ARHGEF37: variants seen among roughly 807,000 people sequenced by gnomAD.
The protein encoded by ARHGEF37 is Rho guanine nucleotide exchange factor (GEF) 37.
A neutral mutation model predicts 71.1 loss-of-function variants in ARHGEF37; 55 were observed. The observed-to-expected ratio is 0.77, with a 90% CI of 0.62 to 0.97. ARHGEF37 has a LOEUF of 0.97. ARHGEF37 is among the 50% of genes least tolerant of loss of function. The probability of loss-of-function intolerance (pLI) is 0.00; values close to 1 mark genes in which losing one functional copy is unlikely to be tolerated. For synonymous variants in ARHGEF37, 327 were observed against 350.6 expected, an observed-to-expected ratio of 0.93 and a Z score of 0.75; for missense variants, 765 against 836.8, an observed-to-expected ratio of 0.91 and a Z score of 1.06.
At chr5:149,628,710 G>A in intron 11 of ARHGEF37, 99 bp from the exon 12 acceptor site, 3 of 1,432,410 alleles carry the variant, frequency 2.1e-6, no homozygotes, top group Non-Finnish European at 2.8e-6. Flanking sequence ...TGGGTGTTGA[G>A]AAGCTGTGTT....
chr5:149,575,671 A>ATT lies in ARHGEF37; in HGVS notation c.-11-22062_-11-22061dup, dbSNP rs751297275. ...TTTCTGTCACTGCAACCAAATGACT[A>ATT]TTTTTTTTTTTTTTTTTTTTTTTTT... On this transcript the variant is annotated intron_variant, in intron 1 of 2. Transcript: ENST00000505810. Among the ~76,000 whole-genome samples, 285 of 107,292 alleles carry ATT rather than the reference A, an allele frequency of 2.7e-3. 10 individuals are homozygous for ATT. Among genetic ancestry groups the ATT allele is most frequent in the African/African-American group, 3.7e-3 (110 of 29,426 alleles). The allele number at this position is 107,292 out of a possible 152,430, so 70.4% of individuals were successfully genotyped here. A position where few individuals can be genotyped will look rare whatever the true frequency, so the allele number is the denominator to read the frequency against.
rs886725132 is a variant in ARHGEF37, at chr5:149,627,085, C to T, written c.1474C>T (p.Pro492Ser). Residue 492 changes from proline (P) to serine (S), a missense_variant, in exon 11 of 13, where the codon CCA becomes TCA. Around this residue, in one of 5 missense-constraint regions of ARHGEF37, gnomAD observed 390 missense variants for 407.4 expected, o/e 0.96. Transcript: ENST00000333677. ...GCTCCTCCTCTCCCAGCCGCTCCTT[C>T]CAGGGTCTGAACGCCAGGTGCAGGC... Reference protein sequence around the residue: ...QPPPTTQPLLPGSERQVQALL... With the variant: ...QPPPTTQPLLSGSERQVQALL... The T allele has an allele frequency of 4.3e-6, 7 of 1,612,572 alleles. No homozygotes were observed. The highest frequency in any genetic ancestry group is 2.2e-5 in the South Asian group (2 of 90,996).
At chr5:149,590,224 C>T (rs1334235504) in intron 1 of ARHGEF37, among the ~76,000 whole-genome samples, 1 of 151,588 alleles carries the variant, frequency 6.6e-6, no homozygotes, top group Non-Finnish European at 1.5e-5. Context: ...CAGTTTTATT[C>T]TGTTCTAGAA....
intron 12 of ARHGEF37, among the ~76,000 whole-genome samples, chr5:149,629,796 G>A (rs66915990): frequency 0.047 from 7,184 of 152,276 alleles, 231 homozygotes; most frequent in East Asian, 0.17. Flanking sequence ...CAACCCACAG[G>A]CCCATCAATA....
chr5:149,595,038 A>T (rs775419841), intron 1 of ARHGEF37, among the ~76,000 whole-genome samples: 2 of 152,254 alleles, frequency 1.3e-5, no homozygotes, highest in Non-Finnish European at 2.9e-5. Flanking sequence ...GAAATGGAGA[A>T]CAGGTTTGTG....
intron 1 of ARHGEF37, among the ~76,000 whole-genome samples, chr5:149,568,143 C>T (rs7710214): frequency 0.35 from 53,282 of 151,804 alleles, 10,824 homozygotes; most frequent in African/African-American, 0.57. Flanking sequence ...ACCTCAGGCT[C>T]CTGAGTAGCT....
intron 1 of ARHGEF37, among the ~76,000 whole-genome samples, chr5:149,559,416 A>G (rs746887880): frequency 6.6e-6 from 1 of 152,226 alleles, no homozygotes; most frequent in Non-Finnish European, 1.5e-5. Context: ...CTGTTTCCAT[A>G]TAACTAATTT....
intron 7 of ARHGEF37, 126 bp downstream of exon 7, chr5:149,619,168 CTG>C: frequency 1.3e-6 from 1 of 741,382 alleles, no homozygotes; most frequent in Non-Finnish European, 2.4e-6. Context: ...TGAGGTCATC[CTG>C]TCTCATCTCT....
chr5:149,608,618 G>A (rs1019434704), intron 3 of ARHGEF37, among the ~76,000 whole-genome samples: 1 of 151,772 alleles, frequency 6.6e-6, no homozygotes, highest in Non-Finnish European at 1.5e-5. Flanking sequence ...TGATCCACCC[G>A]TCTTGGCCTG....
At chr5:149,606,749 A>T (rs1271232498) in intron 3 of ARHGEF37, 1 of 152,146 alleles carries the variant, frequency 6.6e-6, no homozygotes, top group Non-Finnish European at 1.5e-5. Flanking sequence ...CACCAGTGTG[A>T]TCCTTTTAAG....
chr5:149,607,092 G>A (rs1455292768), intron 3 of ARHGEF37, among the ~76,000 whole-genome samples: 3 of 152,040 alleles, frequency 2.0e-5, no homozygotes, highest in Non-Finnish European at 4.4e-5. Context: ...TAGTAGAGAC[G>A]GGGTTTCGCT....
rs1752902693 is a variant in ARHGEF37, at chr5:149,632,121, G to T, written c.1958G>T (p.Gly653Val). 2 of 1,614,274 alleles carry T rather than the reference G, an allele frequency of 1.2e-6. No homozygotes were observed. The highest frequency in any genetic ancestry group is 1.1e-5 in the South Asian group (1 of 91,090). The change falls in exon 13 of 13, where the codon GGT (glycine) becomes GTT (valine). Residue 653 changes from glycine (G) to valine (V), a missense_variant. This residue lies in a region of ARHGEF37 where 390 missense variants were observed against 407.4 expected (regional missense o/e 0.96). Transcript: ENST00000333677. ...WSLVEVNGQR[G>V]YVPSGFLARA... ...CTGGTGGAAGTGAATGGACAGAGGG[G>T]TTATGTGCCTTCTGGCTTCTTGGCC... is the stretch of plus-strand genomic sequence containing the variant.
chr5:149,604,778 G>A (rs1158915159), intron 3 of ARHGEF37, among the ~76,000 whole-genome samples: 1 of 150,078 alleles, frequency 6.7e-6, no homozygotes, highest in East Asian at 2.0e-4. Flanking sequence ...TGCCTCCTGG[G>A]TTCAAGCGAT....
At chr5:149,577,489 T>G (rs1027651424), upstream of ARHGEF37, among the ~76,000 whole-genome samples, 1 of 152,226 alleles carries the variant, frequency 6.6e-6, no homozygotes, top group African/African-American at 2.4e-5. Context: ...TCAACCTTCT[T>G]TTGCTTACCT....
In ARHGEF37 at chr5:149,620,346, G is replaced by C; in HGVS notation, c.895-8G>C. On this transcript the variant is annotated splice_polypyrimidine_tract_variant and splice_region_variant and intron_variant, in intron 7 of 12. Transcript: ENST00000333677. The stretch of plus-strand genomic sequence containing the variant: ...TGATTGGATGTTTCTCCTTGGTACT[G>C]GGTCCAGGCTTTCCTCTACTTCAGG... 6.3e-7 allele frequency: 1 copy of C among 1,597,780 alleles called. No individual in the cohort carries two copies. The highest frequency in any genetic ancestry group is 8.5e-7 in the Non-Finnish European group (1 of 1,170,786).
chr5:149,558,522 TAAGA>T (rs936932662), intron 1 of ARHGEF37, among the ~76,000 whole-genome samples: 10 of 151,794 alleles, frequency 6.6e-5, no homozygotes, highest in African/African-American at 2.2e-4. Flanking sequence ...ACCAAAAAAA[TAAGA>T]AAGAAAGAAC....
At chr5:149,620,297 A>C in intron 7 of ARHGEF37, 57 bp from the exon 8 acceptor site, 1 of 1,297,420 alleles carries the variant, frequency 7.7e-7, no homozygotes, top group South Asian at 1.3e-5. Flanking sequence ...AGGGGATTCC[A>C]GCGTAAGATG....
Position 149,618,346 on chromosome 5 carries a change from C to T in ARHGEF37, c.789+40C>T, listed in dbSNP as rs1481374593. The T allele has an allele frequency of 3.1e-6, 5 of 1,612,938 alleles. No individual in the cohort carries two copies. In the African/African-American group the frequency reaches 4.0e-5, roughly 13 times the overall value. The stretch of plus-strand genomic sequence containing the variant: ...GGGAGGAAGAGTCACATCCAGCCAC[C>T]CCCAAGGCCAGGCCCTGCACAGTGG... On this transcript the variant is annotated intron_variant, in intron 6 of 12. Coordinates refer to ENST00000333677, the MANE Select transcript of ARHGEF37 (RefSeq NM_001001669.3).
chr5:149,575,644 G>C (rs972145097), intron 1 of ARHGEF37, among the ~76,000 whole-genome samples: 48 of 149,862 alleles, frequency 3.2e-4, no homozygotes, highest in Non-Finnish European at 5.9e-4. Context: ...GGATAAGTTG[G>C]ATTTCTGTCA....
Sources: allele counts gnomAD v4.1 joint callset (sites outside exome capture counted in the v4.1 genomes callset), GRCh38; gene constraint gnomAD v4.1.1; regional missense constraint gnomAD v4.1.1; transcripts MANE v1.5; gene names NCBI Gene and HGNC (gene_info 2026-07-23, HGNC 2026-07-21).